Variants in TTC29 observed in about 807,000 individuals in gnomAD.
The protein encoded by TTC29 is tetratricopeptide repeat domain 29, also known as tetratricopeptide repeat protein 29.
Under a neutral mutation model 58.1 loss-of-function variants are expected in TTC29, and 49 were observed. The observed-to-expected ratio is 0.84, with a 90% confidence interval of 0.67 to 1.07. TTC29 has a LOEUF of 1.07. TTC29 is among the 50% of genes least tolerant of loss of function. TTC29 has a pLI of 0.00. For synonymous variants in TTC29, 209 were observed against 196.8 expected, an observed-to-expected ratio of 1.06 and a Z score of -0.52; for missense variants, 582 against 555.6, an observed-to-expected ratio of 1.05 and a Z score of -0.48.
intron 11 of TTC29, among the ~76,000 whole-genome samples, chr4:146,746,411 G>T (rs1376035483): frequency 6.6e-6 from 1 of 152,080 alleles, no homozygotes; most frequent in Non-Finnish European, 1.5e-5. Flanking sequence ...TTCCAACCAG[G>T]TCAACATTAT....
rs530209219 is a variant in TTC29, at chr4:146,857,902, A to G, written c.885+9596T>C. ...CAAAATGTTGGTTTATCTTCTTTCC[A>G]TTATATAAAAATATGTGCCAATACA... On this transcript the variant is annotated intron_variant, in intron 8 of 12. Transcript: ENST00000325106. Among the ~76,000 whole-genome samples, 5 of 152,346 alleles carry G rather than the reference A, an allele frequency of 3.3e-5. No homozygotes were observed. The East Asian group carries it at 9.6e-4, about 29-fold the overall frequency.
chr4:146,924,127 C>T (rs1734774463), intron 4 of TTC29, among the ~76,000 whole-genome samples: 1 of 151,718 alleles, frequency 6.6e-6, no homozygotes, highest in African/African-American at 2.4e-5. Flanking sequence ...TGCTATATTA[C>T]TTTTCTGCAC....
chr4:146,708,333 T>TATATATAC lies in TTC29; in HGVS notation c.1331-783_1331-782insGTATATAT. ...TTATATATATATATATATATATATA[T>TATATATAC]ATATATATATATATATATATATACA... On this transcript the variant is annotated intron_variant, in intron 11 of 12. Transcript: ENST00000325106. 2.7e-5 allele frequency among the ~76,000 whole-genome samples: 2 copies of TATATATAC among 73,126 alleles called. 1 individual carries two copies. The highest frequency in any genetic ancestry group is 8.4e-5 in the African/African-American group (2 of 23,706). 48.0% of individuals were successfully genotyped at this position (73,126 alleles called of 152,430 possible).
chr4:146,939,921 G>T lies in TTC29; in HGVS notation c.-6-20C>A, dbSNP rs771343470. ...TTCGGACTACAAAAAGAAATAAGTA[G>T]AAATTGTATTTTAAGGAATAAATCT... On this transcript the variant is annotated intron_variant, in intron 2 of 12. Transcript: ENST00000325106. The T allele has an allele frequency of 3.8e-6, 6 of 1,587,094 alleles. No homozygotes were observed. The highest frequency in any genetic ancestry group is 1.4e-5 in the African/African-American group (1 of 73,170).
intron 11 of TTC29, among the ~76,000 whole-genome samples, chr4:146,770,901 A>G (rs571639468): frequency 6.6e-6 from 1 of 152,256 alleles, no homozygotes; most frequent in Non-Finnish European, 1.5e-5. Context: ...TAACTAACTT[A>G]TAATACATTT....
intron 8 of TTC29, among the ~76,000 whole-genome samples, chr4:146,864,235 C>T (rs1000009070): frequency 6.6e-6 from 1 of 151,992 alleles, no homozygotes; most frequent in African/African-American, 2.4e-5. Context: ...CCGAAAACAA[C>T]ACCAGCATCC....
intron 11 of TTC29, among the ~76,000 whole-genome samples, chr4:146,759,093 T>A (rs1342846084): frequency 6.6e-6 from 1 of 151,940 alleles, no homozygotes; most frequent in Non-Finnish European, 1.5e-5. Flanking sequence ...TTGGCAAGAT[T>A]AACCAAGGAG....
chr4:146,928,010 C>T (rs989212388), intron 4 of TTC29, among the ~76,000 whole-genome samples: 2 of 152,128 alleles, frequency 1.3e-5, no homozygotes, highest in African/African-American at 2.4e-5. Context: ...AATGGCAATA[C>T]AGTGCTATAA....
At chr4:146,757,205 T>C (rs1746518556) in intron 11 of TTC29, among the ~76,000 whole-genome samples, 2 of 152,082 alleles carry the variant, frequency 1.3e-5, no homozygotes, top group Non-Finnish European at 2.9e-5. Flanking sequence ...TGTTCGGATT[T>C]TTTTTTTTGT....
rs547808166 is a variant in TTC29, at chr4:146,771,496, C to T, written c.1330+31961G>A. ...TCAATGTTTAGCTCCCACTTGTTGG[C>T]GAGAACATGCAGTATTTGGTTTTCT... On this transcript the variant is annotated intron_variant, in intron 11 of 12. Coordinates refer to ENST00000325106, the MANE Select transcript of TTC29 (RefSeq NM_031956.4). Among the ~76,000 whole-genome samples, 38 of 152,044 alleles carry T rather than the reference C, an allele frequency of 2.5e-4. No individual in the cohort carries two copies. In the South Asian group the frequency reaches 6.8e-3, roughly 27 times the overall value.
chr4:146,922,323 TTAACAG>T (rs1560721740), intron 4 of TTC29, among the ~76,000 whole-genome samples: 1 of 151,220 alleles, frequency 6.6e-6, no homozygotes, highest in Non-Finnish European at 1.5e-5. Flanking sequence ...GAAGAAAATA[TTAACAG>T]TAAGTTAATA....
At chr4:146,845,657 G>A (rs888507063) in intron 8 of TTC29, among the ~76,000 whole-genome samples, 5 of 152,114 alleles carry the variant, frequency 3.3e-5, no homozygotes, top group Admixed American at 6.6e-5. Context: ...CTAGATTTAC[G>A]ATGTGCAGGA....
At chr4:146,780,258 G>C (rs1177043857) in intron 11 of TTC29, among the ~76,000 whole-genome samples, 2 of 150,362 alleles carry the variant, frequency 1.3e-5, no homozygotes, top group Non-Finnish European at 3.0e-5. Flanking sequence ...ATGGGTATAG[G>C]ATCGTCAAAT....
intron 10 of TTC29, among the ~76,000 whole-genome samples, chr4:146,815,668 A>T (rs1400047269): frequency 6.6e-6 from 1 of 152,216 alleles, no homozygotes; most frequent in Non-Finnish European, 1.5e-5. Flanking sequence ...AGCAGTTGAG[A>T]TTTAAGTTGT....
chr4:146,777,307 G>C (rs1347648853), intron 11 of TTC29, among the ~76,000 whole-genome samples: 1 of 152,126 alleles, frequency 6.6e-6, no homozygotes, highest in Non-Finnish European at 1.5e-5. Flanking sequence ...AGCACAAAGA[G>C]TTGTATTGCC....
intron 11 of TTC29, among the ~76,000 whole-genome samples, chr4:146,709,016 A>G (rs1579493368): frequency 6.6e-6 from 1 of 152,076 alleles, no homozygotes; most frequent in Non-Finnish European, 1.5e-5. Context: ...ATTAGATTAT[A>G]CAGTCAACCA....
chr4:146,897,195 A>G (rs1220702022), intron 6 of TTC29, among the ~76,000 whole-genome samples: 1 of 152,106 alleles, frequency 6.6e-6, no homozygotes, highest in Non-Finnish European at 1.5e-5. Context: ...TCATAATATA[A>G]CCAAAATCTC....
At chr4:146,824,351 T>G (rs1251319934) in intron 9 of TTC29, among the ~76,000 whole-genome samples, 1 of 152,218 alleles carries the variant, frequency 6.6e-6, no homozygotes, top group African/African-American at 2.4e-5. Flanking sequence ...CTGCATCTAT[T>G]GAGGTAATCC....
chr4:146,788,218 CTT>C (rs2150098341), intron 11 of TTC29, among the ~76,000 whole-genome samples: 1 of 152,240 alleles, frequency 6.6e-6, no homozygotes, highest in African/African-American at 2.4e-5. Flanking sequence ...AATTCTGTCC[CTT>C]TTTTGTTTTT....
Sources: gnomAD v4.1 joint callset for allele counts (sites outside exome capture counted in the v4.1 genomes callset) on GRCh38, gnomAD v4.1.1 for gene constraint, MANE v1.5 for transcripts, NCBI Gene and HGNC (gene_info 2026-07-23, HGNC 2026-07-21) for gene names.